Variants in DLEU7 observed in about 807,000 individuals in gnomAD.
The protein encoded by DLEU7 is deleted in lymphocytic leukemia 7, also known as leukemia-associated protein 7.
Under a neutral mutation model 16.0 loss-of-function variants are expected in DLEU7, and 17 were observed. The observed-to-expected ratio is 1.06, with a 90% CI of 0.73 to 1.59. The LOEUF (loss-of-function observed/expected upper bound fraction) is 1.59. DLEU7 is among the 40% of genes most tolerant of loss of function. The pLI is 0.00. For synonymous variants in DLEU7, 113 were observed against 139.8 expected, an observed-to-expected ratio of 0.81 and a Z score of 1.35; for missense variants, 308 against 314.9, an observed-to-expected ratio of 0.98 and a Z score of 0.17.
chr13:50,722,894 A>G (rs1015792463), intron 1 of DLEU7, among the ~76,000 whole-genome samples: 2 of 152,222 alleles, frequency 1.3e-5, no homozygotes, highest in South Asian at 2.1e-4. Context: ...CTATAGTACA[A>G]CCTGGCAACC....
intron 1 of DLEU7, among the ~76,000 whole-genome samples, chr13:50,770,168 G>T (rs1359128233): frequency 1.3e-5 from 2 of 152,026 alleles, no homozygotes; most frequent in African/African-American, 2.4e-5. Flanking sequence ...AAGGAGATTT[G>T]GAGCCAAGAC....
rs1416526489 is a variant in DLEU7, at chr13:50,777,447, C to T, written c.460-64207G>A. Among the ~76,000 whole-genome samples, 3 of 152,206 alleles carry T rather than the reference C, an allele frequency of 2.0e-5. No homozygotes were observed. The East Asian group carries it at 5.8e-4, about 29-fold the overall frequency. On this transcript the variant is annotated intron_variant, in intron 1 of 1. Transcript: ENST00000400393. ...TTTCCTATGCTGTATGCTTCCTGCC[C>T]TTGAACATCAGACCTCGAGTTCTTC...
In DLEU7 at chr13:50,843,568, C is replaced by A. The variant is rs745510248; in HGVS notation, c.79G>T (p.Glu27Ter). 1.3e-6 allele frequency: 2 copies of A among 1,492,864 alleles called. No homozygotes were observed. Among genetic ancestry groups the A allele is most frequent in the Admixed American group, 2.3e-5 (1 of 43,262 alleles). The allele number at this position is 1,492,864 out of a possible 1,614,324, so 92.5% of individuals were successfully genotyped here. The stretch of plus-strand genomic sequence containing the variant: ...ACTGGACCGTCCCCCCAGCCCCACT[C>A]CTGCTGCAGCAGCTGCAAGGTCTGC... ...ALQTLQLLQQEWGWGDGPVAP... is the reference protein window; with the variant it reads ...ALQTLQLLQQ The change falls in exon 1 of 2, where the codon GAG (glutamate) becomes TAG (stop). Residue 27 changes from glutamate (E) to a stop codon, truncating the protein, a stop_gained. Coordinates refer to ENST00000504404, the MANE Select transcript of DLEU7 (RefSeq NM_001306135.2). LOFTEE classifies it high-confidence loss of function. This position sits in a 1 kb window ranked among gnomAD's most constrained non-coding sequence, Gnocchi z 5.7.
intron 1 of DLEU7, among the ~76,000 whole-genome samples, chr13:50,834,813 C>T (rs985584230): frequency 6.6e-6 from 1 of 152,072 alleles, no homozygotes; most frequent in African/African-American, 2.4e-5. Context: ...CAATGATAGA[C>T]TGGATAAAGA....
intron 1 of DLEU7, among the ~76,000 whole-genome samples, chr13:50,806,385 C>CCTGAATATATA (rs143535717): frequency 0.18 from 26,842 of 151,714 alleles, 4,200 homozygotes; most frequent in African/African-American, 0.42. Context: ...ATGTCTTTAT[C>CCTGAATATATA]CTGAATATAT....
downstream of DLEU7, among the ~76,000 whole-genome samples, chr13:50,819,238 C>T (rs1181786178): frequency 1.3e-5 from 2 of 152,012 alleles, no homozygotes; most frequent in African/African-American, 2.4e-5. Flanking sequence ...AGATGAGAAA[C>T]GTTGTTCTGG....
At position 50,843,409 on chromosome 13, in the gene DLEU7, C is replaced by A; in HGVS notation, c.238G>T (p.Ala80Ser). 1 of 1,315,996 alleles carries A rather than the reference C, an allele frequency of 7.6e-7. No individual in the cohort carries two copies. 81.5% of individuals were successfully genotyped at this position (1,315,996 alleles called of 1,614,324 possible). A position where few individuals can be genotyped will look rare whatever the true frequency, so the allele number is the denominator to read the frequency against. Residue 80 changes from alanine (A) to serine (S), a missense_variant, in exon 1 of 2, where the codon GCG (alanine) becomes TCG (serine). Ala to Ser is a moderately conservative substitution (Grantham distance 99, BLOSUM62 1). Transcript: ENST00000504404. This position sits in a 1 kb window ranked among gnomAD's most constrained non-coding sequence, Gnocchi z 5.7. ...GGVGTRSRRT[A>S]ARANSPEEEV... ...TCCTCTGGGGAGTTCGCCCGCGCCG[C>A]GGTCCGCCGACTCCTGGTCCCCACG...
At chr13:50,760,141 G>A (rs1874884792) in intron 1 of DLEU7, among the ~76,000 whole-genome samples, 1 of 152,180 alleles carries the variant, frequency 6.6e-6, no homozygotes, top group Admixed American at 6.5e-5. Context: ...ATTTAAAAAT[G>A]CAATTCATAT....
intron 1 of DLEU7, among the ~76,000 whole-genome samples, chr13:50,775,911 A>G (rs896088680): frequency 1.3e-5 from 2 of 152,172 alleles, no homozygotes; most frequent in Admixed American, 1.3e-4. Context: ...TTATCTTTCC[A>G]TGCATTAAAT....
intron 1 of DLEU7, among the ~76,000 whole-genome samples, chr13:50,829,831 G>A (rs1298385966): frequency 6.6e-6 from 1 of 152,158 alleles, no homozygotes; most frequent in Non-Finnish European, 1.5e-5. Flanking sequence ...GCCAACTCTG[G>A]ATCCAATAAT....
intron 1 of DLEU7, among the ~76,000 whole-genome samples, chr13:50,779,668 G>T (rs1875599691): frequency 1.3e-5 from 2 of 152,124 alleles, no homozygotes; most frequent in Admixed American, 1.3e-4. Context: ...CCTCTCCCAG[G>T]TCTCACGGAT....
chr13:50,746,095 A>G (rs1396074876), intron 1 of DLEU7, among the ~76,000 whole-genome samples: 1 of 152,178 alleles, frequency 6.6e-6, no homozygotes, highest in Non-Finnish European at 1.5e-5. Context: ...TTATTCACAC[A>G]ATGGAGATAA....
intron 1 of DLEU7, among the ~76,000 whole-genome samples, chr13:50,791,973 A>G (rs1875971578): frequency 6.6e-6 from 1 of 152,184 alleles, no homozygotes; most frequent in Non-Finnish European, 1.5e-5. Context: ...TTACCACTTC[A>G]CAACTTCTTG....
intron 1 of DLEU7, among the ~76,000 whole-genome samples, chr13:50,795,471 T>G (rs554009957): frequency 3.9e-4 from 59 of 152,286 alleles, no homozygotes; most frequent in South Asian, 8.3e-4. Context: ...GCAAGTTCTG[T>G]TCCCTGAGAG....
chr13:50,711,797 T>C (rs1483002661), downstream of DLEU7: 2 of 28,222 alleles, frequency 7.1e-5, no homozygotes, highest in Non-Finnish European at 1.1e-4. Flanking sequence ...TTACTACCTA[T>C]ACCTACATGA....
chr13:50,729,277 G>A (rs1208027960), intron 1 of DLEU7, among the ~76,000 whole-genome samples: 1 of 152,164 alleles, frequency 6.6e-6, no homozygotes, highest in Non-Finnish European at 1.5e-5. Context: ...GAAAGAACAT[G>A]CAGTATTTGG....
At chr13:50,713,271 G>C (rs1254487395) in intron 1 of DLEU7, 3 of 1,600,286 alleles carry the variant, frequency 1.9e-6, no homozygotes, top group Admixed American at 1.7e-5. Context: ...TATCTCAAAT[G>C]CTTGCTTTGC....
intron 1 of DLEU7, among the ~76,000 whole-genome samples, chr13:50,756,505 G>A (rs111859500): frequency 0.033 from 4,995 of 152,244 alleles, 170 homozygotes; most frequent in African/African-American, 0.089. Context: ...GGGGAAAGCC[G>A]ACAGTCACAG....
chr13:50,750,466 G>A (rs1202118242), intron 1 of DLEU7, among the ~76,000 whole-genome samples: 1 of 151,994 alleles, frequency 6.6e-6, no homozygotes, highest in Non-Finnish European at 1.5e-5. Context: ...TTCTAATTCG[G>A]TGAAGAATGA....
Sources: gnomAD v4.1 joint callset for allele counts (sites outside exome capture counted in the v4.1 genomes callset) on GRCh38, gnomAD v4.1.1 for gene constraint, Gnocchi (gnomAD v3.1) non-coding constraint, MANE v1.5 for transcripts, NCBI Gene and HGNC (gene_info 2026-07-23, HGNC 2026-07-21) for gene names.